Variants in TFAP2A observed in about 807,000 individuals in gnomAD.
TFAP2A encodes transcription factor AP-2 alpha.
TFAP2A carries 7 observed loss-of-function variants against 41.5 expected under a neutral mutation model. The observed-to-expected ratio is 0.17, with a 90% CI of 0.10 to 0.32. The LOEUF (loss-of-function observed/expected upper bound fraction) is 0.32. TFAP2A is among the 10% of genes least tolerant of loss of function. The probability of loss-of-function intolerance (pLI) is 1.00; values close to 1 mark genes in which losing one functional copy is unlikely to be tolerated. For missense variants in TFAP2A, 416 were observed against 563.3 expected (o/e 0.74, Z 2.65); for synonymous variants, 247 against 242.8 (o/e 1.02, Z -0.16).
upstream of TFAP2A, chr6:10,419,437 G>A: frequency 6.2e-7 from 1 of 1,614,128 alleles, no homozygotes; most frequent in Non-Finnish European, 8.5e-7. Flanking sequence ...CCCCATTTTG[G>A]CAAGTATGGA....
intron 2 of TFAP2A, chr6:10,409,563 G>C: frequency 3.4e-6 from 1 of 291,576 alleles, no homozygotes; most frequent in Non-Finnish European, 6.6e-6. Context: ...GCCAGACTCA[G>C]CGATGGAAGT....
At chr6:10,403,157 A>T (rs1757496061) in intron 4 of TFAP2A, among the ~76,000 whole-genome samples, 1 of 152,272 alleles carries the variant, frequency 6.6e-6, no homozygotes, top group South Asian at 2.1e-4. Context: ...TATCAGCCCT[A>T]AAAGTTTCAC....
rs778770876 is a variant in TFAP2A, at chr6:10,400,432, G to A, written c.1031+16C>T. ...GACAACGAGACACAGAGACCCCATA[G>A]AGGTAAATGCCTTACTTTGTAGCCA... On this transcript the variant is annotated intron_variant, in intron 6 of 6. Transcript: ENST00000379613. 1.2e-6 allele frequency: 2 copies of A among 1,614,224 alleles called. No individual in the cohort carries two copies. The highest frequency in any genetic ancestry group is 2.2e-5 in the South Asian group (2 of 91,084).
rs745515468 is a variant in TFAP2A at position 10,400,434 on chromosome 6, G to A, written c.1031+14C>T. On this transcript the variant is annotated intron_variant, in intron 6 of 6. Coordinates refer to ENST00000379613, the MANE Select transcript of TFAP2A (RefSeq NM_001372066.1). ...CAACGAGACACAGAGACCCCATAGAGGTAAATGCCTTACTTTGTAGCCAGG... is the reference window on the plus strand; with the variant it reads ...CAACGAGACACAGAGACCCCATAGAAGTAAATGCCTTACTTTGTAGCCAGG... The A allele has an allele frequency of 3.7e-6, 6 of 1,614,196 alleles. No individual in the cohort carries two copies. The highest frequency in any genetic ancestry group is 2.7e-5 in the African/African-American group (2 of 75,040).
chr6:10,405,002 T>G, intron 3 of TFAP2A: 3 of 553,194 alleles, frequency 5.4e-6, no homozygotes, highest in East Asian at 3.1e-5. Flanking sequence ...CCCTTTCCCC[T>G]TCGCCGTCAA....
At chr6:10,417,465 T>C (rs1758288962), upstream of TFAP2A, among the ~76,000 whole-genome samples, 3 of 152,208 alleles carry the variant, frequency 2.0e-5, no homozygotes, top group African/African-American at 7.2e-5. Flanking sequence ...CGAGCTGCAT[T>C]TATGCCAGCG....
intron 1 of TFAP2A, among the ~76,000 whole-genome samples, chr6:10,411,342 T>G (rs1004484211): frequency 4.0e-5 from 6 of 151,474 alleles, no homozygotes; most frequent in African/African-American, 1.5e-4. Flanking sequence ...GAGGTAGGTC[T>G]GCGTGCTCGG....
chr6:10,400,214 TAA>T (rs34587962), intron 6 of TFAP2A, among the ~76,000 whole-genome samples: 91 of 134,886 alleles, frequency 6.7e-4, no homozygotes, highest in African/African-American at 1.9e-3. Flanking sequence ...ACACACTCAT[TAA>T]AAAAAAAAAA....
chr6:10,401,872 G>C (rs182385805), intron 5 of TFAP2A, among the ~76,000 whole-genome samples: 92 of 152,298 alleles, frequency 6.0e-4, no homozygotes, highest in Admixed American at 1.0e-3. Context: ...TTTTTGTTTT[G>C]AGGCATTTGG....
At position 10,398,680 on chromosome 6, in the gene TFAP2A, G is replaced by A; in HGVS notation, c.1057C>T (p.Leu353=). 1 of 1,614,176 alleles carries A rather than the reference G, an allele frequency of 6.2e-7. No homozygotes were observed. The highest frequency in any genetic ancestry group is 1.1e-5 in the South Asian group (1 of 91,088). The change falls in exon 7 of 7, where the codon CTG becomes TTG. Residue 353 remains leucine, a synonymous_variant. Coordinates refer to ENST00000379613, the MANE Select transcript of TFAP2A (RefSeq NM_001372066.1). This position sits in a 1 kb window ranked among gnomAD's most constrained non-coding sequence, Gnocchi z 5.3. ...AGGGGAGATCGGTCCTGAGCCAGCA[G>A]GTCGGTGAACTCTTTGCATATCTGT... ...TKQICKEFTD[L]LAQDRSPLGN... is the part of the protein sequence containing the mutation.
chr6:10,404,730 G>A lies in TFAP2A; in HGVS notation c.548C>T (p.Ser183Phe), dbSNP rs1757621475. Residue 183 changes from serine (S) to phenylalanine (F), a missense_variant, in exon 4 of 7, where the codon TCC becomes TTC. Coordinates refer to ENST00000379613, the MANE Select transcript of TFAP2A (RefSeq NM_001372066.1). ...GGCATTGCTGTTGGACTTGGACAGG[G>A]ACACGGGGCCTGCGGAGACAGAGGG... Reference protein sequence around the residue: ...DQTVIKKGPVSLSKSNSNAVS... With the variant: ...DQTVIKKGPVFLSKSNSNAVS... The A allele has an allele frequency of 1.1e-5, 18 of 1,614,152 alleles. No individual in the cohort carries two copies. Among genetic ancestry groups the A allele is most frequent in the Non-Finnish European group, 1.4e-5 (17 of 1,179,974 alleles).
rs765549775 is a variant in TFAP2A at position 10,406,831 on chromosome 6, G to A, written c.500C>T (p.Pro167Leu). 8 of 1,613,208 alleles carry A rather than the reference G, an allele frequency of 5.0e-6. No homozygotes were observed. The highest frequency in any genetic ancestry group is 3.3e-5 in the South Asian group (3 of 91,080). ...AIEEVPHVED[P>L]GINIPDQTVI... ...AGTTTGATCTGGGATGTTAATACCC[G>A]GGTCTTCTACATGCTGCAACAAAAG... is the stretch of plus-strand genomic sequence containing the variant. The change falls in exon 3 of 7, where the codon CCG becomes CTG. Residue 167 changes from proline to leucine, a missense_variant. This residue lies in a region of TFAP2A where 241 missense variants were observed against 274.1 expected (regional missense o/e 0.88). Transcript: ENST00000379613.
At chr6:10,414,826 G>A in intron 1 of TFAP2A, 115 bp downstream of exon 1, 1 of 1,400,694 alleles carries the variant, frequency 7.1e-7, no homozygotes, top group Non-Finnish European at 1.0e-6. Context: ...CGCTGCGCTG[G>A]GGAAAGTTTG....
intron 1 of TFAP2A, chr6:10,414,715 T>C: frequency 3.0e-6 from 2 of 670,250 alleles, no homozygotes; most frequent in Non-Finnish European, 5.2e-6. Context: ...GGGAGTAAAG[T>C]GGGACACGAG....
chr6:10,415,115 G>C, upstream of TFAP2A: 1 of 1,595,048 alleles, frequency 6.3e-7, no homozygotes, highest in Non-Finnish European at 8.5e-7. Context: ...GAGAGGAGGT[G>C]GAGGAGGAGA....
At position 10,400,506 on chromosome 6, in the gene TFAP2A, G is replaced by C; in HGVS notation, c.973C>G (p.Arg325Gly). Residue 325 changes from arginine to glycine, a missense_variant, in exon 6 of 7, where the codon CGA becomes GGA. Arg to Gly is a moderately radical substitution (Grantham distance 125). Around this residue, in one of 3 missense-constraint regions of TFAP2A, gnomAD observed 116 missense variants for 153.8 expected, o/e 0.75. Coordinates refer to ENST00000379613, the MANE Select transcript of TFAP2A (RefSeq NM_001372066.1). ...PAKAVAEFLN[R>G]QHSDPNEQVT... is the part of the protein sequence containing the mutation. ...TGCTCATTGGGATCGGAATGTTGTC[G>C]GTTGAGAAATTCAGCTACTGCTTTG... The C allele has an allele frequency of 6.2e-7, 1 of 1,614,118 alleles. No homozygotes were observed. Among genetic ancestry groups the C allele is most frequent in the Non-Finnish European group, 8.5e-7 (1 of 1,180,034 alleles).
At chr6:10,405,057 C>T in intron 3 of TFAP2A, 1 of 425,082 alleles carries the variant, frequency 2.4e-6, no homozygotes, top group East Asian at 4.2e-5. Context: ...ACCCCTGAGG[C>T]GCTGAGCATC....
At chr6:10,399,960 G>A (rs1046532659) in intron 6 of TFAP2A, among the ~76,000 whole-genome samples, 9 of 151,520 alleles carry the variant, frequency 5.9e-5, no homozygotes, top group African/African-American at 2.2e-4. Context: ...TTCGAGAAGG[G>A]GTTGTGAAAG....
chr6:10,400,575 G>A lies in TFAP2A; in HGVS notation c.904C>T (p.Leu302=), dbSNP rs1017546454. 1.2e-6 allele frequency: 2 copies of A among 1,614,068 alleles called. No homozygotes were observed. Among genetic ancestry groups the A allele is most frequent in the African/African-American group, 2.7e-5 (2 of 74,928 alleles). Residue 302 remains leucine (L), a synonymous_variant, in exon 6 of 7, where the codon CTA becomes TTA. Coordinates refer to ENST00000379613, the MANE Select transcript of TFAP2A (RefSeq NM_001372066.1). ...TSLVEGEAVH[L]ARDFGYVCET... ...CACACGTACCCAAAGTCCCTGGCTA[G>A]GTGGACAGCTTCTCCTGGCAAGAGG...
Sources: gnomAD v4.1 joint callset for allele counts (sites outside exome capture counted in the v4.1 genomes callset) on GRCh38, gnomAD v4.1.1 for gene constraint, gnomAD v4.1.1 regional missense constraint, Gnocchi (gnomAD v3.1) non-coding constraint, MANE v1.5 for transcripts, NCBI Gene and HGNC (gene_info 2026-07-23, HGNC 2026-07-21) for gene names.